The following TADA3 variants were observed in gnomAD, a reference collection of about 807,000 sequenced individuals.
TADA3 encodes the protein transcriptional adaptor 3, also known as transcriptional adapter 3.
TADA3 carries 25 observed loss-of-function variants against 43.2 expected under a neutral mutation model. That is an observed-to-expected ratio of 0.58 (90% CI 0.42 to 0.81). The LOEUF (loss-of-function observed/expected upper bound fraction) is 0.81. Among genes scored for constraint, TADA3 ranks in the 30% least tolerant of loss-of-function variants. The pLI is 0.00. For missense variants in TADA3, 441 were observed against 567.8 expected, an observed-to-expected ratio of 0.78 and a Z score of 2.27; for synonymous variants, 235 against 225.5, an observed-to-expected ratio of 1.04 and a Z score of -0.38.
At position 9,787,286 on chromosome 3, in the gene TADA3, CCAG is replaced by C; in HGVS notation, c.616_618del (p.Leu206del). 1 of 1,614,202 alleles carries C rather than the reference CCAG, an allele frequency of 6.2e-7. No individual in the cohort carries two copies. The highest frequency in any genetic ancestry group is 8.5e-7 in the Non-Finnish European group (1 of 1,180,040). ...GCCCGGGCCCCATCCTTCTGCTCCT[CCAG>C]CAGGTCCTCCTGGGCCCAGCGCTGG... On this transcript the variant is annotated inframe_deletion, in exon 5 of 9. Coordinates refer to ENST00000301964, the MANE Select transcript of TADA3 (RefSeq NM_006354.5).
rs762313984 is a variant in TADA3, at chr3:9,784,212, C to T, written c.922G>A (p.Val308Met). 6.2e-7 allele frequency: 1 copy of T among 1,608,426 alleles called. No homozygotes were observed. Among genetic ancestry groups the T allele is most frequent in the Non-Finnish European group, 8.5e-7 (1 of 1,175,378 alleles). ...CTCTCCAGGGACTTAGTATGCGGCA[C>T]ACTGCAGCGGGAGGCAGGCCCGTCA... ...SPRNQNKPFS[V>M]PHTKSLESRI... The change falls in exon 8 of 9, where the codon GTG becomes ATG. Residue 308 changes from valine (V) to methionine (M), a missense_variant and splice_region_variant. Physicochemically the swap from Val to Met is conservative, Grantham distance 21. Coordinates refer to ENST00000301964, the MANE Select transcript of TADA3 (RefSeq NM_006354.5).
At chr3:9,792,971 C>G, upstream of TADA3, 1 of 1,421,042 alleles carries the variant, frequency 7.0e-7, no homozygotes, top group Non-Finnish European at 9.2e-7. Context: ...AAGGCCCAAG[C>G]GTTCGTAAGG....
At position 9,785,412 on chromosome 3, in the gene TADA3, G is replaced by A; in HGVS notation, c.824C>T (p.Ser275Phe). 3 of 1,612,936 alleles carry A rather than the reference G, an allele frequency of 1.9e-6. No homozygotes were observed. Among genetic ancestry groups the A allele is most frequent in the Non-Finnish European group, 2.5e-6 (3 of 1,179,112 alleles). ...AGGAATAGGAGAATCCTCCATAGGG[G>A]AAATAATATTTTCCTAGAAGACCAC... The part of the protein sequence containing the change: ...LQALVEENII[S>F]PMEDSPIPDM... The change falls in exon 7 of 9, where the codon TCC becomes TTC. Residue 275 changes from serine (S) to phenylalanine (F), a missense_variant. Coordinates refer to ENST00000301964, the MANE Select transcript of TADA3 (RefSeq NM_006354.5).
intron 8 of TADA3, chr3:9,781,685 A>AT (rs1342825524): frequency 2.3e-6 from 1 of 433,150 alleles, no homozygotes; most frequent in Non-Finnish European, 4.8e-6. Flanking sequence ...TCACTTAGTG[A>AT]TTGAGTCCAG....
rs2078694957 is a variant in TADA3, at chr3:9,789,825, G to C, written c.346C>G (p.Pro116Ala). The C allele has an allele frequency of 1.5e-5, 24 of 1,614,224 alleles. No homozygotes were observed. The highest frequency in any genetic ancestry group is 2.0e-5 in the Non-Finnish European group (24 of 1,180,046). ...LEGKAGHGPG[P>A]GPGRPKSKNL... ...TTGGATTTGGGCCGTCCTGGGCCAG[G>C]GCCCGGCCCATGTCCTGCCTTCCCT... Residue 116 changes from proline (P) to alanine (A), a missense_variant, in exon 3 of 9, where the codon CCT becomes GCT. Coordinates refer to ENST00000301964, the MANE Select transcript of TADA3 (RefSeq NM_006354.5).
upstream of TADA3, chr3:9,792,787 T>G (rs2078773608): frequency 3.2e-6 from 4 of 1,261,804 alleles, no homozygotes; most frequent in Non-Finnish European, 4.0e-6. Context: ...CCTAATTTGG[T>G]GCCCAATCTG....
rs374618568 is a variant in TADA3 at position 9,786,978 on chromosome 3, G to C, written c.810+28C>G. On this transcript the variant is annotated intron_variant, in intron 6 of 8. Transcript: ENST00000301964. The stretch of plus-strand genomic sequence containing the variant: ...ACACATTAAAACACAAAGTAAATAT[G>C]GTTCCTCTTTTGGGTTAGGCTGCTC... The C allele has an allele frequency of 5.7e-6, 9 of 1,575,064 alleles. No individual in the cohort carries two copies. The African/African-American group carries it at 9.5e-5, about 17-fold the overall frequency.
In TADA3 at chr3:9,785,432, G is replaced by A. The variant is rs1319023900; in HGVS notation, c.811-7C>T. 1.3e-6 allele frequency: 2 copies of A among 1,599,986 alleles called. No individual in the cohort carries two copies. Among genetic ancestry groups the A allele is most frequent in the East Asian group, 4.5e-5 (2 of 44,736 alleles). On this transcript the variant is annotated splice_region_variant and splice_polypyrimidine_tract_variant and intron_variant, in intron 6 of 8. Transcript: ENST00000301964. Reference sequence around the variant, plus strand: ...TAGGGGAAATAATATTTTCCTAGAAGACCACAAAAATGAGTGGAAGGAAAA... The same window carrying A: ...TAGGGGAAATAATATTTTCCTAGAAAACCACAAAAATGAGTGGAAGGAAAA...
rs750170010 is a variant in TADA3, at chr3:9,780,099, G to A, written c.*258C>T. The A allele has an allele frequency of 8.3e-5, 32 of 385,092 alleles. No homozygotes were observed. The highest frequency in any genetic ancestry group is 1.3e-4 in the Non-Finnish European group (29 of 214,880). The allele number at this position is 385,092 out of a possible 1,614,324, so 23.9% of individuals were successfully genotyped here. On this transcript the variant is annotated 3_prime_UTR_variant, in exon 9 of 9. Transcript: ENST00000301964. ...GGGATGGTAAAGAGGGGAAGAGGAA[G>A]ACCCAGAAACGAAGTCCCCTCCAAC... is the stretch of plus-strand genomic sequence containing the variant.
chr3:9,782,175 TCTCTCTCTTC>T (rs2078484914), intron 8 of TADA3, among the ~76,000 whole-genome samples: 1 of 152,130 alleles, frequency 6.6e-6, no homozygotes, highest in African/African-American at 2.4e-5. Flanking sequence ...TGCCTGCTTT[TCTCTCTCTTC>T]CTCTCTCTCC....
Position 9,792,319 on chromosome 3 carries a change from T to C in TADA3, c.-131A>G. The C allele has an allele frequency of 5.0e-6, 1 of 201,018 alleles. No individual in the cohort carries two copies. Among genetic ancestry groups the C allele is most frequent in the Non-Finnish European group, 9.0e-6 (1 of 111,322 alleles). The allele number at this position is 201,018 out of a possible 1,614,324, so 12.5% of individuals were successfully genotyped here. On this transcript the variant is annotated 5_prime_UTR_variant, in exon 1 of 9. Transcript: ENST00000301964. ...TTTAATGGCTGGCCCCGCCCGGGGGTCGCCCAAATGTCCCGCCTTCAGAGT... is the reference window on the plus strand; with the variant it reads ...TTTAATGGCTGGCCCCGCCCGGGGGCCGCCCAAATGTCCCGCCTTCAGAGT...
Position 9,780,508 on chromosome 3 carries a change from C to T in TADA3, c.1148G>A (p.Arg383Gln), listed in dbSNP as rs750460681. The T allele has an allele frequency of 8.7e-6, 14 of 1,607,746 alleles. No individual in the cohort carries two copies. The highest frequency in any genetic ancestry group is 3.3e-5 in the South Asian group (3 of 91,048). The part of the protein sequence containing the change: ...EEVSRQELRQ[R>Q]VRMADNEVMD... Reference sequence around the variant, plus strand: ...GACCTCGTTGTCAGCCATGCGCACCCGCTGCCTCAGCTCCTGCCGGCTCAC... The same window carrying T: ...GACCTCGTTGTCAGCCATGCGCACCTGCTGCCTCAGCTCCTGCCGGCTCAC... Residue 383 changes from arginine (R) to glutamine (Q), a missense_variant, in exon 9 of 9, where the codon CGG (arginine) becomes CAG (glutamine). Physicochemically the swap from Arg to Gln is conservative, Grantham distance 43 (BLOSUM62 1). Transcript: ENST00000301964.
intron 8 of TADA3, among the ~76,000 whole-genome samples, chr3:9,782,591 C>G (rs1027593440): frequency 6.6e-6 from 1 of 152,230 alleles, no homozygotes; most frequent in Non-Finnish European, 1.5e-5. Context: ...CTCTGCCTCT[C>G]TTGCTGGCCC....
In TADA3 at chr3:9,792,454, T is replaced by G; in HGVS notation, c.-266A>C. On this transcript the variant is annotated 5_prime_UTR_variant, in exon 1 of 9. Transcript: ENST00000301964. Reference sequence around the variant, plus strand: ...AGGGGGCGGGGAGTTCCGGTCGATGTGAGCAACCGCCCCGGAACTGGCTAT... The same window carrying G: ...AGGGGGCGGGGAGTTCCGGTCGATGGGAGCAACCGCCCCGGAACTGGCTAT... The G allele has an allele frequency of 8.6e-7, 1 of 1,161,670 alleles. No homozygotes were observed. Among genetic ancestry groups the G allele is most frequent in the Non-Finnish European group, 1.1e-6 (1 of 942,512 alleles). The allele number at this position is 1,161,670 out of a possible 1,614,324, so 72.0% of individuals were successfully genotyped here.
chr3:9,783,867 A>C, intron 8 of TADA3, 161 bp downstream of exon 8: 1 of 1,278,848 alleles, frequency 7.8e-7, no homozygotes, highest in Middle Eastern at 2.8e-4. Context: ...TGTTTGGGAC[A>C]TACCCGGTGG....
Position 9,789,524 on chromosome 3 carries a change from C to G in TADA3, c.549G>C (p.Glu183Asp). 6.2e-7 allele frequency: 1 copy of G among 1,614,128 alleles called. No homozygotes were observed. Among genetic ancestry groups the G allele is most frequent in the Non-Finnish European group, 8.5e-7 (1 of 1,180,002 alleles). ...LEELLKPPED[E>D]AEHYKIPPLG... ...GAGTTTCTACCTTGTAATGCTCAGCCTCATCTTCTGGGGGCTTCAGTAACT... is the reference window on the plus strand; with the variant it reads ...GAGTTTCTACCTTGTAATGCTCAGCGTCATCTTCTGGGGGCTTCAGTAACT... Residue 183 changes from glutamate to aspartate, a missense_variant, in exon 4 of 9, where the codon GAG becomes GAC. Transcript: ENST00000301964.
chr3:9,789,447 T>A, intron 4 of TADA3, 62 bp downstream of exon 4: 8 of 1,485,550 alleles, frequency 5.4e-6, no homozygotes, highest in Non-Finnish European at 6.5e-6. Context: ...GTAGCTTTAC[T>A]TCTCAGGCAC....
intron 7 of TADA3, among the ~76,000 whole-genome samples, chr3:9,784,864 C>T (rs1276963839): frequency 1.0e-5 from 1 of 97,398 alleles, no homozygotes; most frequent in Non-Finnish European, 2.1e-5. Flanking sequence ...GACTCCATCT[C>T]AAAAAAAAAA....
At chr3:9,781,460 A>C (rs1227865621) in intron 8 of TADA3, 2 of 447,516 alleles carry the variant, frequency 4.5e-6, no homozygotes, top group Non-Finnish European at 9.1e-6. Context: ...AGTGAGGGGG[A>C]GATCTGGAGC....
Sources: gnomAD v4.1 joint callset for allele counts (sites outside exome capture counted in the v4.1 genomes callset) on GRCh38, gnomAD v4.1.1 for gene constraint, MANE v1.5 for transcripts, NCBI Gene and HGNC (gene_info 2026-07-23, HGNC 2026-07-21) for gene names.